The following FIRRM variants were observed in gnomAD, a reference collection of about 807,000 sequenced individuals.
FIRRM encodes the protein FIGNL1 interacting regulator of recombination and mitosis.
the FIRRM span, chr1:169,793,295 G>A: frequency 1.2e-6 from 2 of 1,614,034 alleles, no homozygotes; most frequent in Non-Finnish European, 1.7e-6. Context: ...CAACAAGATG[G>A]TTTTCACTAC....
chr1:169,803,249 T>C, the FIRRM span: 24 of 1,614,014 alleles, frequency 1.5e-5, no homozygotes, highest in Admixed American at 4.0e-4. Flanking sequence ...TTTTGGAAAA[T>C]ATTCAGAGTC....
At chr1:169,829,198 T>C in the FIRRM span, 1 of 1,319,882 alleles carries the variant, frequency 7.6e-7, no homozygotes, top group Non-Finnish European at 1.0e-6. Context: ...TTACATATTA[T>C]TATTATAATT....
the FIRRM span, among the ~76,000 whole-genome samples, chr1:169,841,111 C>T: frequency 1.8e-4 from 27 of 152,120 alleles, no homozygotes; most frequent in African/African-American, 6.3e-4. Context: ...CTTATTATTT[C>T]GATGTATGTT....
the FIRRM span, chr1:169,806,073 G>A: frequency 1.9e-6 from 3 of 1,586,468 alleles, no homozygotes; most frequent in Non-Finnish European, 2.6e-6. Context: ...GCCAATACTT[G>A]GAAGTTTATA....
At chr1:169,850,047 C>T in the FIRRM span, 1 of 555,414 alleles carries the variant, frequency 1.8e-6, no homozygotes, top group South Asian at 2.3e-5. Context: ...TTAGTATGAC[C>T]CAGCAGAAGT....
At chr1:169,816,765 A>C in the FIRRM span, among the ~76,000 whole-genome samples, 1 of 152,280 alleles carries the variant, frequency 6.6e-6, no homozygotes, top group African/African-American at 2.4e-5. Flanking sequence ...GTATGAGGCA[A>C]GTTTTCCCAA....
chr1:169,805,735 C>G, the FIRRM span, among the ~76,000 whole-genome samples: 1 of 152,126 alleles, frequency 6.6e-6, no homozygotes, highest in Admixed American at 6.5e-5. Context: ...TAGGGTACAA[C>G]TTTTATTCCA....
chr1:169,810,363 A>C, the FIRRM span, among the ~76,000 whole-genome samples: 9 of 152,232 alleles, frequency 5.9e-5, no homozygotes, highest in African/African-American at 2.2e-4. Flanking sequence ...AAGTTACCAC[A>C]AACTAGGTGG....
chr1:169,842,340 C>T, the FIRRM span: 3 of 1,467,596 alleles, frequency 2.0e-6, no homozygotes, highest in East Asian at 7.0e-5. Flanking sequence ...ACTTTTATAA[C>T]CTCTAGTTAA....
the FIRRM span, among the ~76,000 whole-genome samples, chr1:169,822,749 C>T: frequency 1.3e-5 from 2 of 151,748 alleles, no homozygotes; most frequent in African/African-American, 2.4e-5. Context: ...ATCTGCCTGC[C>T]CTGCCCTCCC....
the FIRRM span, chr1:169,807,695 T>A: frequency 8.7e-7 from 1 of 1,145,186 alleles, no homozygotes; most frequent in Non-Finnish European, 1.2e-6. Flanking sequence ...TTTGATTGTT[T>A]TTTTAAATGT....
chr1:169,784,608 ACT>A, the FIRRM span, among the ~76,000 whole-genome samples: 1 of 151,878 alleles, frequency 6.6e-6, no homozygotes, highest in Non-Finnish European at 1.5e-5. Context: ...TGAGTCCAAA[ACT>A]CTCAGTTACC....
chr1:169,807,589 A>G, the FIRRM span, among the ~76,000 whole-genome samples: 3 of 152,230 alleles, frequency 2.0e-5, no homozygotes, highest in African/African-American at 7.2e-5. Flanking sequence ...TTAATATTTT[A>G]CACAGAGAAA....
chr1:169,793,931 T>C, the FIRRM span: 6 of 383,786 alleles, frequency 1.6e-5, no homozygotes, highest in Non-Finnish European at 2.7e-5. Context: ...AGAAAGAAAA[T>C]GATGATTAAA....
chr1:169,807,650 C>A, the FIRRM span: 1 of 657,100 alleles, frequency 1.5e-6, no homozygotes. Flanking sequence ...GTAAACTGGG[C>A]ACATCTTAGT....
the FIRRM span, among the ~76,000 whole-genome samples, chr1:169,836,531 A>C: frequency 6.6e-6 from 1 of 152,354 alleles, no homozygotes; most frequent in Admixed American, 6.5e-5. Flanking sequence ...ACAGTAAGCT[A>C]TGAAGGTTGA....
chr1:169,795,445 A>C, the FIRRM span: 1 of 1,347,692 alleles, frequency 7.4e-7, no homozygotes, highest in Non-Finnish European at 9.5e-7. Context: ...ACGTGTTCTG[A>C]CCCAAGGTTT....
chr1:169,800,937 T>G, the FIRRM span: 2 of 1,598,844 alleles, frequency 1.3e-6, no homozygotes, highest in Non-Finnish European at 1.7e-6. Context: ...CACCTGACAT[T>G]GGAACAGACT....
chr1:169,810,636 C>G, the FIRRM span, among the ~76,000 whole-genome samples: 5 of 151,804 alleles, frequency 3.3e-5, no homozygotes, highest in African/African-American at 1.2e-4. Flanking sequence ...TCTTCAATAA[C>G]CCTATTTCCA....
Sources: allele counts gnomAD v4.1 joint callset (sites outside exome capture counted in the v4.1 genomes callset), GRCh38; gene constraint gnomAD v4.1.1; transcripts MANE v1.5; gene names NCBI Gene and HGNC (gene_info 2026-07-23, HGNC 2026-07-21).